The following PRPF18 variants were observed in gnomAD, a reference collection of about 807,000 sequenced individuals.
The protein encoded by PRPF18 is pre-mRNA processing factor 18, also known as pre-mRNA-splicing factor 18.
Under a neutral mutation model 46.5 loss-of-function variants are expected in PRPF18, and 38 were observed. That is an observed-to-expected ratio of 0.82 (90% CI 0.63 to 1.07). The LOEUF is 1.07. PRPF18 is among the 50% of genes least tolerant of loss of function. The pLI, the probability that PRPF18 is intolerant of heterozygous loss-of-function variation, is 0.00. For synonymous variants in PRPF18, 152 were observed against 146.7 expected, an observed-to-expected ratio of 1.04 and a Z score of -0.26; for missense variants, 263 against 410.0, an observed-to-expected ratio of 0.64 and a Z score of 3.10.
the PRPF18 span, chr10:13,643,624 C>G: frequency 6.6e-6 from 1 of 152,604 alleles, no homozygotes; most frequent in Non-Finnish European, 1.5e-5. Flanking sequence ...GACACAAGCA[C>G]CTGAATTACA....
chr10:13,603,685 G>GT (rs1489639194), intron 3 of PRPF18, among the ~76,000 whole-genome samples: 1 of 152,176 alleles, frequency 6.6e-6, no homozygotes, highest in Non-Finnish European at 1.5e-5. Flanking sequence ...AGGACTGAAT[G>GT]TAAGTCATAG....
At position 13,608,557 on chromosome 10, in the gene PRPF18, C is replaced by G. The variant is rs573404084; in HGVS notation, c.364-1482C>G. Among the ~76,000 whole-genome samples, 20 of 152,344 alleles carry G rather than the reference C, an allele frequency of 1.3e-4. No individual in the cohort carries two copies. The South Asian group carries it at 3.5e-3, about 27-fold the overall frequency. On this transcript the variant is annotated intron_variant, in intron 4 of 9. Coordinates refer to ENST00000378572, the MANE Select transcript of PRPF18 (RefSeq NM_003675.4). Reference sequence around the variant, plus strand: ...TTGCTGTGTTTCTGCCTTGTATGCTCTGGTTGAAATCTTGTTTTTATACTT... The same window carrying G: ...TTGCTGTGTTTCTGCCTTGTATGCTGTGGTTGAAATCTTGTTTTTATACTT...
the PRPF18 span, chr10:13,642,714 C>A: frequency 6.6e-6 from 1 of 152,102 alleles, no homozygotes; most frequent in Non-Finnish European, 1.5e-5. Flanking sequence ...AGAAGACTTA[C>A]GTGAGGGCCC....
chr10:13,613,458 T>C (rs1231038763), intron 6 of PRPF18, among the ~76,000 whole-genome samples: 1 of 152,176 alleles, frequency 6.6e-6, no homozygotes, highest in African/African-American at 2.4e-5. Flanking sequence ...TCCTCTCAAA[T>C]AGTTAACTAT....
chr10:13,595,713 G>A (rs903000035), intron 1 of PRPF18, among the ~76,000 whole-genome samples: 7 of 152,096 alleles, frequency 4.6e-5, no homozygotes, highest in African/African-American at 1.4e-4. Flanking sequence ...TGATACCATC[G>A]GTTCCTTACC....
chr10:13,625,120 G>A (rs1210802667), intron 9 of PRPF18, among the ~76,000 whole-genome samples: 1 of 152,166 alleles, frequency 6.6e-6, no homozygotes, highest in Non-Finnish European at 1.5e-5. Flanking sequence ...GGGTGCTTGA[G>A]ACCGGGAGTT....
chr10:13,653,069 C>CG, the PRPF18 span: 1 of 152,002 alleles, frequency 6.6e-6, no homozygotes, highest in East Asian at 1.9e-4. Context: ...GTATTTCCCC[C>CG]GCAAGGGGAT....
Position 13,630,258 on chromosome 10 carries a change from A to C in PRPF18, c.949-2A>C. 1 of 1,604,404 alleles carries C rather than the reference A, an allele frequency of 6.2e-7. No homozygotes were observed. The highest frequency in any genetic ancestry group is 8.5e-7 in the Non-Finnish European group (1 of 1,171,258). ...CAACCTTTGTTTTCCTTATTTTCTT[A>C]GGGATTGAAGAGGTTAATGACCATT... On this transcript the variant is annotated splice_acceptor_variant, in intron 9 of 9. Transcript: ENST00000378572. LOFTEE classifies it high-confidence loss of function.
chr10:13,615,814 A>T (rs2080331088), intron 8 of PRPF18, among the ~76,000 whole-genome samples: 1 of 152,002 alleles, frequency 6.6e-6, no homozygotes, highest in Non-Finnish European at 1.5e-5. Flanking sequence ...GGTGGGGGGC[A>T]AAGTGGAGCG....
intron 2 of PRPF18, 149 bp downstream of exon 2, chr10:13,597,684 G>T: frequency 6.3e-7 from 1 of 1,589,044 alleles, no homozygotes; most frequent in Non-Finnish European, 8.6e-7. Flanking sequence ...ATGAGTTTTT[G>T]TTTTTGCATT....
At chr10:13,600,889 G>C (rs1378282817) in intron 3 of PRPF18, among the ~76,000 whole-genome samples, 2 of 152,144 alleles carry the variant, frequency 1.3e-5, no homozygotes, top group Admixed American at 1.3e-4. Flanking sequence ...CGATTCTCCT[G>C]CCTCAGCCTC....
the PRPF18 span, chr10:13,636,995 A>G: frequency 6.6e-6 from 1 of 152,182 alleles, no homozygotes; most frequent in Non-Finnish European, 1.5e-5. Flanking sequence ...TCTTTGGCTC[A>G]GCTTAGGGGT....
chr10:13,600,214 G>GA, intron 2 of PRPF18, 30 bp from the exon 3 acceptor site: 1 of 1,501,370 alleles, frequency 6.7e-7, no homozygotes, highest in Non-Finnish European at 9.1e-7. Flanking sequence ...TTTTAAAGCT[G>GA]AATTTCATTT....
intron 9 of PRPF18, among the ~76,000 whole-genome samples, chr10:13,617,671 T>C (rs2080366079): frequency 6.6e-6 from 1 of 152,232 alleles, no homozygotes; most frequent in Non-Finnish European, 1.5e-5. Flanking sequence ...ATTAAATCAA[T>C]CGTCTGAAAG....
chr10:13,600,473 G>GCAGCTAGT (rs1193900398), intron 3 of PRPF18, 125 bp downstream of exon 3: 2 of 654,048 alleles, frequency 3.1e-6, no homozygotes, highest in Non-Finnish European at 4.7e-6. Context: ...AAAATGCTGT[G>GCAGCTAGT]CAGCTAGTTT....
the PRPF18 span, chr10:13,642,843 T>C: frequency 0.56 from 85,100 of 151,978 alleles, 24,222 homozygotes; most frequent in East Asian, 0.79. Flanking sequence ...AACACTCTCT[T>C]GATGGGCTCA....
intron 3 of PRPF18, among the ~76,000 whole-genome samples, chr10:13,605,316 G>T (rs1432762794): frequency 1.3e-5 from 2 of 152,086 alleles, no homozygotes; most frequent in African/African-American, 4.8e-5. Context: ...GGGCACATTA[G>T]CTCACGCCTG....
chr10:13,632,729 C>CT (rs1343959956), downstream of PRPF18: 1 of 152,138 alleles, frequency 6.6e-6, no homozygotes, highest in Non-Finnish European at 1.5e-5. Context: ...TTCCATTTCC[C>CT]TGAAGTTAAA....
At chr10:13,602,507 T>A (rs1249936628) in intron 3 of PRPF18, among the ~76,000 whole-genome samples, 2 of 151,058 alleles carry the variant, frequency 1.3e-5, no homozygotes, top group Non-Finnish European at 3.0e-5. Context: ...TCTTTTTCAT[T>A]ATGTTTTTTT....
Sources: allele counts gnomAD v4.1 joint callset (sites outside exome capture counted in the v4.1 genomes callset), GRCh38; gene constraint gnomAD v4.1.1; transcripts MANE v1.5; gene names NCBI Gene and HGNC (gene_info 2026-07-23, HGNC 2026-07-21).